POU6F2: variants seen among roughly 807,000 people sequenced by gnomAD.
The protein encoded by POU6F2 is POU class 6 homeobox 2, also known as POU domain, class 6, transcription factor 2.
POU6F2 carries 31 observed loss-of-function variants against 71.3 expected under a neutral mutation model. That is an observed-to-expected ratio of 0.43 (90% confidence interval 0.33 to 0.59). POU6F2 has a LOEUF of 0.59. POU6F2 is among the 20% of genes least tolerant of loss of function. The probability of loss-of-function intolerance (pLI) is 0.04; values close to 1 mark genes in which losing one functional copy is unlikely to be tolerated. For missense variants in POU6F2, 783 were observed against 856.8 expected, an observed-to-expected ratio of 0.91 and a Z score of 1.07; for synonymous variants, 347 against 355.7, an observed-to-expected ratio of 0.98 and a Z score of 0.27.
At chr7:39,344,934 G>T (rs113733493) in intron 5 of POU6F2, among the ~76,000 whole-genome samples, 2 of 152,108 alleles carry the variant, frequency 1.3e-5, no homozygotes, top group African/African-American at 2.4e-5. Context: ...AATTCTCCTA[G>T]CCAGGACTGA....
intron 6 of POU6F2, among the ~76,000 whole-genome samples, chr7:39,417,443 T>G (rs1787704665): frequency 6.6e-6 from 1 of 152,186 alleles, no homozygotes; most frequent in African/African-American, 2.4e-5. Context: ...TTGAATTTAG[T>G]GCACTAGCCA....
rs190485627 is a variant in POU6F2 at position 39,250,196 on chromosome 7, G to A, written c.598+42576G>A. ...CCCACACACACCCACTCACTTGCACGCATCTTATCATCTGCACCCACTTCA... is the reference window on the plus strand; with the variant it reads ...CCCACACACACCCACTCACTTGCACACATCTTATCATCTGCACCCACTTCA... On this transcript the variant is annotated intron_variant, in intron 4 of 9. Transcript: ENST00000518318. 2.4e-3 allele frequency among the ~76,000 whole-genome samples: 369 copies of A among 152,190 alleles called. 2 individuals are homozygous for A. Among genetic ancestry groups the A allele is most frequent in the African/African-American group, 8.3e-3 (343 of 41,520 alleles).
chr7:39,182,579 C>T (rs1416931459), intron 2 of POU6F2, among the ~76,000 whole-genome samples: 2 of 152,102 alleles, frequency 1.3e-5, no homozygotes, highest in East Asian at 3.8e-4. Context: ...TTTGGGATGA[C>T]CAGCTGCACT....
intron 1 of POU6F2, among the ~76,000 whole-genome samples, chr7:39,028,399 A>G (rs1308037146): frequency 6.6e-6 from 1 of 152,144 alleles, no homozygotes; most frequent in African/African-American, 2.4e-5. Flanking sequence ...CCATTTCAAC[A>G]TTTAAAAGAC....
At chr7:39,454,175 G>A (rs970391392) in intron 8 of POU6F2, among the ~76,000 whole-genome samples, 2 of 152,100 alleles carry the variant, frequency 1.3e-5, no homozygotes, top group African/African-American at 4.8e-5. Context: ...GAAGAGGTAC[G>A]CAGGGCAAGG....
intron 1 of POU6F2, among the ~76,000 whole-genome samples, chr7:39,036,093 G>A (rs561686251): frequency 6.6e-6 from 1 of 152,204 alleles, no homozygotes; most frequent in African/African-American, 2.4e-5. Context: ...TTTGCCTACA[G>A]GATACAGCTC....
At chr7:39,079,167 A>C (rs1266875854) in intron 1 of POU6F2, among the ~76,000 whole-genome samples, 1 of 139,478 alleles carries the variant, frequency 7.2e-6, no homozygotes, top group East Asian at 2.2e-4. Context: ...ATCTCACTTG[A>C]GTCTCACAAT....
At chr7:39,154,353 C>A (rs941216983) in intron 2 of POU6F2, among the ~76,000 whole-genome samples, 1 of 152,002 alleles carries the variant, frequency 6.6e-6, no homozygotes, top group Admixed American at 6.6e-5. Context: ...TTGGCCCCAG[C>A]GTGATAATGC....
chr7:39,405,955 C>T (rs888821719), intron 5 of POU6F2: 1 of 152,258 alleles, frequency 6.6e-6, no homozygotes, highest in Non-Finnish European at 1.5e-5. Flanking sequence ...CAACCTTTCT[C>T]ATTGGCATTG....
chr7:39,438,454 T>C (rs572020608), intron 7 of POU6F2, among the ~76,000 whole-genome samples: 12 of 152,338 alleles, frequency 7.9e-5, no homozygotes, highest in African/African-American at 2.9e-4. Context: ...CATTTGGGTA[T>C]ATACCCAGTA....
chr7:39,358,097 T>C (rs1786297717), intron 5 of POU6F2, among the ~76,000 whole-genome samples: 1 of 152,208 alleles, frequency 6.6e-6, no homozygotes, highest in African/African-American at 2.4e-5. Flanking sequence ...AAGCATGACA[T>C]TTATGAGACA....
At chr7:39,068,846 C>T (rs1461336583) in intron 1 of POU6F2, among the ~76,000 whole-genome samples, 1 of 152,092 alleles carries the variant, frequency 6.6e-6, no homozygotes, top group Admixed American at 6.6e-5. Context: ...GGGGTTCCCA[C>T]TGTTTAGCAT....
intron 6 of POU6F2, among the ~76,000 whole-genome samples, chr7:39,412,800 TTTTTTTTTTTTTTTTTTTTG>T (rs1787579807): frequency 3.2e-5 from 3 of 94,012 alleles, no homozygotes; most frequent in Admixed American, 1.0e-4. Context: ...TTTTTTTTTT[TTTTTTTTTTTTTTTTTTTTG>T]AGACGGAGTC....
At chr7:39,354,884 G>A (rs967712694) in intron 5 of POU6F2, among the ~76,000 whole-genome samples, 2 of 152,172 alleles carry the variant, frequency 1.3e-5, no homozygotes, top group Non-Finnish European at 2.9e-5. Flanking sequence ...AGGGAGAGGA[G>A]GTGTTCTTCC....
intron 1 of POU6F2, among the ~76,000 whole-genome samples, chr7:39,043,911 A>C (rs949755083): frequency 6.6e-6 from 1 of 151,934 alleles, no homozygotes; most frequent in African/African-American, 2.4e-5. Flanking sequence ...TCTCTGTTGC[A>C]TGAAGGCTGC....
At chr7:39,206,763 C>G (rs1794021727) in intron 3 of POU6F2, among the ~76,000 whole-genome samples, 1 of 152,076 alleles carries the variant, frequency 6.6e-6, no homozygotes, top group Non-Finnish European at 1.5e-5. Flanking sequence ...ATGCAGTTAT[C>G]TTATTTCCTT....
At chr7:39,263,563 TAGA>T (rs1249204730) in intron 4 of POU6F2, among the ~76,000 whole-genome samples, 4 of 152,246 alleles carry the variant, frequency 2.6e-5, no homozygotes, top group Admixed American at 1.3e-4. Flanking sequence ...CAAAGAAAAA[TAGA>T]AAAAGTCAAA....
chr7:39,010,190 A>G (rs1456256149), intron 1 of POU6F2, among the ~76,000 whole-genome samples: 16 of 138,412 alleles, frequency 1.2e-4, no homozygotes, highest in Admixed American at 3.0e-4. Flanking sequence ...GATTATTGCC[A>G]CAATTTCAGA....
intron 4 of POU6F2, among the ~76,000 whole-genome samples, chr7:39,267,341 C>T (rs1249783190): frequency 6.6e-6 from 1 of 152,116 alleles, no homozygotes; most frequent in Non-Finnish European, 1.5e-5. Flanking sequence ...CCTTTGAGCA[C>T]CCCTTATTTT....
Sources: allele counts gnomAD v4.1 joint callset (sites outside exome capture counted in the v4.1 genomes callset), GRCh38; gene constraint gnomAD v4.1.1; transcripts MANE v1.5; gene names NCBI Gene and HGNC (gene_info 2026-07-23, HGNC 2026-07-21).